The following CLCA4 variants were observed in gnomAD, a reference collection of about 807,000 sequenced individuals.
CLCA4 encodes the protein chloride channel accessory 4, also known as calcium-activated chloride channel regulator 4.
In CLCA4, 69 loss-of-function variants were observed where a neutral mutation model predicts 78.9. That is an observed-to-expected ratio of 0.87 (90% CI 0.72 to 1.07). The LOEUF is 1.07. Ranked by LOEUF, CLCA4 falls within the 50% of genes least tolerant of loss-of-function variation. The pLI is 0.00. For synonymous variants in CLCA4, 362 were observed against 375.8 expected (o/e 0.96, Z 0.42); for missense variants, 1,133 against 1,095.8 (o/e 1.03, Z -0.48).
chr1:86,559,840 A>T, intron 1 of CLCA4, 92 bp from the exon 2 acceptor site: 1 of 972,332 alleles, frequency 1.0e-6, no homozygotes. Flanking sequence ...TTTTCTGTCC[A>T]CTCTTAAGTT....
In CLCA4 at chr1:86,571,149, G is replaced by T. The variant is rs1276189093; in HGVS notation, c.1255G>T (p.Ala419Ser). The T allele has an allele frequency of 2.5e-6, 4 of 1,612,888 alleles. No individual in the cohort carries two copies. The East Asian group carries it at 8.9e-5, about 36-fold the overall frequency. Residue 419 changes from alanine (A) to serine (S), a missense_variant, in exon 8 of 14, where the codon GCA (alanine) becomes TCA (serine). Coordinates refer to ENST00000370563, the MANE Select transcript of CLCA4 (RefSeq NM_012128.4). ...GCTGACTGATGGGGAGGATAACACT[G>T]CAAGTTCTTGTATTGATGAAGTGAA... ...LLLTDGEDNT[A>S]SSCIDEVKQS...
At chr1:86,553,563 G>A (rs1264425829) in intron 1 of CLCA4, among the ~76,000 whole-genome samples, 1 of 152,216 alleles carries the variant, frequency 6.6e-6, no homozygotes, top group Non-Finnish European at 1.5e-5. Context: ...AGGAGCGCCC[G>A]CCAGCGCGGG....
chr1:86,580,485 C>A lies in CLCA4; in HGVS notation c.*140C>A. The A allele has an allele frequency of 5.3e-6, 3 of 563,262 alleles. No homozygotes were observed. The highest frequency in any genetic ancestry group is 5.5e-6 in the Non-Finnish European group (2 of 363,690). 34.9% of individuals were successfully genotyped at this position (563,262 alleles called of 1,614,324 possible). On this transcript the variant is annotated 3_prime_UTR_variant, in exon 14 of 14. Coordinates refer to ENST00000370563, the MANE Select transcript of CLCA4 (RefSeq NM_012128.4). ...ACTCATAAAAATAATTTTAAGATGT[C>A]GGAAAAGGATACTTTGATTAAATAA...
In CLCA4 at chr1:86,572,737, C is replaced by T. The variant is rs750793842; in HGVS notation, c.1467+17C>T. ...TCCCTTCAGGTCAGAGTTCTCATTC[C>T]TTGGGTTTTCATGTTCACTTTTGCC... On this transcript the variant is annotated intron_variant, in intron 9 of 13. Coordinates refer to ENST00000370563, the MANE Select transcript of CLCA4 (RefSeq NM_012128.4). The T allele has an allele frequency of 7.7e-5, 109 of 1,411,920 alleles. 2 individuals carry two copies. Among genetic ancestry groups the T allele is most frequent in the Non-Finnish European group, 1.0e-4 (102 of 996,096 alleles). The allele number at this position is 1,411,920 out of a possible 1,614,324, so 87.5% of individuals were successfully genotyped here.
chr1:86,563,804 G>A (rs761572959), intron 4 of CLCA4, 35 bp downstream of exon 4: 4 of 1,151,916 alleles, frequency 3.5e-6, no homozygotes, highest in Non-Finnish European at 5.1e-6. Context: ...CTGACTTCAG[G>A]CTTTTATCCA....
chr1:86,575,439 T>G lies in CLCA4; in HGVS notation c.1791T>G (p.Asn597Lys), dbSNP rs1344824236. ...ANSSVPPITV[N>K]AKMNKDVNSF... ...CTTCTGTGCCTCCAATCACAGTGAA[T>G]GCTAAAATGAATAAGGACGTAAACA... is the stretch of plus-strand genomic sequence containing the variant. The change falls in exon 11 of 14, where the codon AAT becomes AAG. Residue 597 changes from asparagine to lysine, a missense_variant. Transcript: ENST00000370563. 3.1e-6 allele frequency: 5 copies of G among 1,613,374 alleles called. No individual in the cohort carries two copies. The highest frequency in any genetic ancestry group is 1.3e-5 in the African/African-American group (1 of 74,834).
At chr1:86,555,902 T>C (rs940547628) in intron 1 of CLCA4, among the ~76,000 whole-genome samples, 1 of 152,222 alleles carries the variant, frequency 6.6e-6, no homozygotes, top group African/African-American at 2.4e-5. Flanking sequence ...TAATTCTCAT[T>C]GTAGGAATGT....
chr1:86,548,889 C>G (rs770511789), intron 1 of CLCA4, among the ~76,000 whole-genome samples: 1 of 152,032 alleles, frequency 6.6e-6, no homozygotes, highest in Non-Finnish European at 1.5e-5. Context: ...CACCACAAGA[C>G]AGAAGACAAG....
At chr1:86,559,779 G>A (rs1369214070) in intron 1 of CLCA4, among the ~76,000 whole-genome samples, 153 bp from the exon 2 acceptor site, 2 of 152,202 alleles carry the variant, frequency 1.3e-5, no homozygotes, top group Non-Finnish European at 2.9e-5. Flanking sequence ...GGGGTTGACA[G>A]GTGGCAGAGT....
rs758037764 is a variant in CLCA4 at position 86,579,538 on chromosome 1, G to C, written c.2307G>C (p.Lys769Asn). The change falls in exon 13 of 14, where the codon AAG becomes AAC. Residue 769 changes from lysine (K) to asparagine (N), a missense_variant. Coordinates refer to ENST00000370563, the MANE Select transcript of CLCA4 (RefSeq NM_012128.4). ...TDLDATVHED[K>N]IILTWTAPGD... ...TTGATGCCACAGTTCATGAGGATAA[G>C]ATTATTCTTACATGGACAGCACCAG... 4 of 1,606,028 alleles carry C rather than the reference G, an allele frequency of 2.5e-6. No homozygotes were observed. In the African/African-American group the frequency reaches 4.0e-5, roughly 16 times the overall value.
At chr1:86,557,221 T>C (rs533500328) in intron 1 of CLCA4, among the ~76,000 whole-genome samples, 1 of 152,274 alleles carries the variant, frequency 6.6e-6, no homozygotes, top group South Asian at 2.1e-4. Context: ...AGTTCAGCTC[T>C]GATTTTGATT....
intron 1 of CLCA4, among the ~76,000 whole-genome samples, chr1:86,552,338 G>C (rs532799662): frequency 1.3e-4 from 20 of 152,348 alleles, no homozygotes; most frequent in African/African-American, 3.4e-4. Flanking sequence ...GGGACACAAA[G>C]AGAGACGAAG....
chr1:86,577,572 G>C (rs1650556276), intron 11 of CLCA4, among the ~76,000 whole-genome samples: 1 of 151,854 alleles, frequency 6.6e-6, no homozygotes, highest in Non-Finnish European at 1.5e-5. Context: ...GCAACCCAGT[G>C]GTGGAGAAAT....
intron 11 of CLCA4, among the ~76,000 whole-genome samples, chr1:86,576,688 GCT>G (rs1275207146): frequency 1.3e-5 from 2 of 152,038 alleles, no homozygotes. Context: ...ATCCTCGACA[GCT>G]GGAACAAAGT....
intron 4 of CLCA4, among the ~76,000 whole-genome samples, chr1:86,564,782 C>T (rs546951385): frequency 2.0e-5 from 3 of 152,246 alleles, no homozygotes; most frequent in South Asian, 2.1e-4. Flanking sequence ...ACCTCATCTT[C>T]GCTTCCAATC....
chr1:86,561,750 A>C (rs1398157226), intron 3 of CLCA4, among the ~76,000 whole-genome samples: 1 of 152,120 alleles, frequency 6.6e-6, no homozygotes, highest in Non-Finnish European at 1.5e-5. Context: ...TTGTAAGCTT[A>C]ATGTCCCCAT....
intron 1 of CLCA4, chr1:86,552,729 G>A: frequency 7.0e-7 from 1 of 1,428,282 alleles, no homozygotes; most frequent in Non-Finnish European, 9.8e-7. Context: ...CCTTCACAGG[G>A]GCCCGGCCCG....
At chr1:86,547,316 T>C (rs1426981299) in intron 1 of CLCA4, 38 bp downstream of exon 1, 1 of 1,457,636 alleles carries the variant, frequency 6.9e-7, no homozygotes, top group Non-Finnish European at 9.2e-7. Flanking sequence ...TAATTTTTAG[T>C]TTTTTACTAT....
In CLCA4 at chr1:86,579,950, TATATC is replaced by T. The variant is rs1650656099; in HGVS notation, c.2369_2373del (p.Ile790LysfsTer8). 6.3e-7 allele frequency: 1 copy of T among 1,580,382 alleles called. No individual in the cohort carries two copies. The highest frequency in any genetic ancestry group is 8.6e-7 in the Non-Finnish European group (1 of 1,162,106). On this transcript the variant is annotated frameshift_variant, in exon 14 of 14. Transcript: ENST00000370563. LOFTEE classifies it low-confidence loss of function (END_TRUNC). The stretch of plus-strand genomic sequence containing the variant: ...TAACTTTTTTTTCTCAGTTCAACGT[TATATC>T]ATAAGAATAAGTGCAAGTATTCTTG...
Sources: gnomAD v4.1 joint callset for allele counts (sites outside exome capture counted in the v4.1 genomes callset) on GRCh38, gnomAD v4.1.1 for gene constraint, MANE v1.5 for transcripts, NCBI Gene and HGNC (gene_info 2026-07-23, HGNC 2026-07-21) for gene names.